The following GRID1 variants were observed in gnomAD, a reference collection of about 807,000 sequenced individuals.
The protein encoded by GRID1 is glutamate ionotropic receptor delta type subunit 1.
GRID1 carries 28 observed loss-of-function variants against 98.0 expected under a neutral mutation model. The ratio of observed to expected loss-of-function variants is 0.29; its 90% confidence interval spans 0.21 to 0.39. The LOEUF (loss-of-function observed/expected upper bound fraction) is 0.39. Among genes scored for constraint, GRID1 ranks in the 10% least tolerant of loss-of-function variants. The probability of loss-of-function intolerance (pLI) is 1.00; values close to 1 mark genes in which losing one functional copy is unlikely to be tolerated. For missense variants in GRID1, 1,111 were observed against 1,340.5 expected (o/e 0.83, Z 2.67); for synonymous variants, 553 against 538.5 (o/e 1.03, Z -0.37).
chr10:85,818,149 G>C (rs1371444815), intron 8 of GRID1, among the ~76,000 whole-genome samples: 1 of 152,190 alleles, frequency 6.6e-6, no homozygotes, highest in Non-Finnish European at 1.5e-5. Context: ...GTAGATAATG[G>C]AAGCCAACTT....
intron 8 of GRID1, among the ~76,000 whole-genome samples, chr10:85,786,106 A>C (rs1325235542): frequency 6.6e-6 from 1 of 152,218 alleles, no homozygotes; most frequent in African/African-American, 2.4e-5. Flanking sequence ...ATGCTGTATA[A>C]AATGAATTTT....
At chr10:86,292,459 G>A (rs1847528396) in intron 2 of GRID1, among the ~76,000 whole-genome samples, 1 of 152,248 alleles carries the variant, frequency 6.6e-6, no homozygotes, top group East Asian at 1.9e-4. Context: ...CAGTTCTCAG[G>A]AAGAGCAGCT....
chr10:85,685,452 A>G (rs1221119814), intron 12 of GRID1, among the ~76,000 whole-genome samples: 1 of 152,188 alleles, frequency 6.6e-6, no homozygotes, highest in East Asian at 1.9e-4. Context: ...TGGGTCAGAA[A>G]ACTCAGTATT....
At chr10:85,663,817 G>A (rs1309472031) in intron 12 of GRID1, among the ~76,000 whole-genome samples, 4 of 152,208 alleles carry the variant, frequency 2.6e-5, no homozygotes, top group African/African-American at 4.8e-5. Context: ...TCTGGTCATA[G>A]ACAACTGTTG....
At chr10:85,640,858 T>A (rs1843108507) in intron 13 of GRID1, among the ~76,000 whole-genome samples, 1 of 152,192 alleles carries the variant, frequency 6.6e-6, no homozygotes, top group Non-Finnish European at 1.5e-5. Flanking sequence ...GCGGGCCCAT[T>A]TTCTTCCTGC....
chr10:86,111,488 A>T (rs1844483317), intron 4 of GRID1, among the ~76,000 whole-genome samples: 1 of 152,206 alleles, frequency 6.6e-6, no homozygotes, highest in Non-Finnish European at 1.5e-5. Context: ...TGGGATCCAG[A>T]GTATTTTCTA....
intron 12 of GRID1, among the ~76,000 whole-genome samples, chr10:85,690,835 T>A (rs1199753079): frequency 6.6e-6 from 1 of 152,046 alleles, no homozygotes; most frequent in Non-Finnish European, 1.5e-5. Flanking sequence ...GATACTCTAA[T>A]AAGCCATTCT....
intron 2 of GRID1, among the ~76,000 whole-genome samples, chr10:86,247,431 G>C (rs1846750177): frequency 6.6e-6 from 1 of 152,178 alleles, no homozygotes; most frequent in Non-Finnish European, 1.5e-5. Context: ...TGAATGAATG[G>C]ATGGTTGGCT....
chr10:85,731,936 A>AGAG (rs34265318), intron 8 of GRID1, among the ~76,000 whole-genome samples: 49 of 148,982 alleles, frequency 3.3e-4, no homozygotes, highest in Middle Eastern at 3.4e-3. Flanking sequence ...AGAGAGAGAG[A>AGAG]AGGGAAGGGA....
chr10:86,258,292 T>C (rs1846957643), intron 2 of GRID1, among the ~76,000 whole-genome samples: 1 of 152,132 alleles, frequency 6.6e-6, no homozygotes, highest in Admixed American at 6.5e-5. Context: ...AAAATTAATA[T>C]CTGTATGATT....
intron 4 of GRID1, among the ~76,000 whole-genome samples, chr10:85,943,301 A>G (rs1187480535): frequency 2.0e-5 from 3 of 152,224 alleles, no homozygotes; most frequent in African/African-American, 7.2e-5. Flanking sequence ...GCTGGAATAA[A>G]TCAAAGATAT....
chr10:86,040,042 T>C (rs1462949470), intron 4 of GRID1, among the ~76,000 whole-genome samples: 3 of 152,172 alleles, frequency 2.0e-5, no homozygotes, highest in South Asian at 2.1e-4. Context: ...TGAGAAGCAC[T>C]GAGTGCCTGC....
chr10:85,624,386 GGC>G (rs1392935543), intron 13 of GRID1, among the ~76,000 whole-genome samples: 1 of 152,144 alleles, frequency 6.6e-6, no homozygotes, highest in Non-Finnish European at 1.5e-5. Flanking sequence ...TGGAAACTTA[GGC>G]TGGAGACAAG....
intron 8 of GRID1, among the ~76,000 whole-genome samples, chr10:85,821,417 T>G (rs1842768940): frequency 7.1e-6 from 1 of 141,562 alleles, no homozygotes; most frequent in South Asian, 2.2e-4. Flanking sequence ...CTCAGGAGGC[T>G]GAGGCAGAAG....
chr10:85,807,327 A>T (rs755771368), intron 8 of GRID1, among the ~76,000 whole-genome samples: 2 of 151,670 alleles, frequency 1.3e-5, no homozygotes, highest in Non-Finnish European at 2.9e-5. Flanking sequence ...TCTGGTCTGG[A>T]TGGCAGGGCA....
At chr10:86,086,722 G>C (rs1426831747) in intron 4 of GRID1, among the ~76,000 whole-genome samples, 2 of 152,206 alleles carry the variant, frequency 1.3e-5, no homozygotes, top group African/African-American at 2.4e-5. Context: ...GTGTGCAAGT[G>C]TCTGTGTGTG....
Position 86,192,654 on chromosome 10 carries a change from C to A in GRID1, c.520+13710G>T, listed in dbSNP as rs923406094. 6.6e-6 allele frequency among the ~76,000 whole-genome samples: 1 copy of A among 151,866 alleles called. No individual in the cohort carries two copies. The highest frequency in any genetic ancestry group is 1.5e-5 in the Non-Finnish European group (1 of 67,924). On this transcript the variant is annotated intron_variant, in intron 3 of 15. Transcript: ENST00000327946. This position sits in a 1 kb window ranked among gnomAD's most constrained non-coding sequence, Gnocchi z 4.8. The stretch of plus-strand genomic sequence containing the variant: ...CTGTACTTAACACCATTGAACTGTG[C>A]GTGAAAATGGTTAACATGGTAAATT...
chr10:85,909,378 G>A lies in GRID1; in HGVS notation c.780+6808C>T, dbSNP rs7910051. Among the ~76,000 whole-genome samples the A allele has an allele frequency of 2.0e-3, 308 of 152,282 alleles. 4 individuals carry two copies. The highest frequency in any genetic ancestry group is 7.1e-3 in the African/African-American group (293 of 41,556). Reference sequence around the variant, plus strand: ...TTAACATAAATCTACCATAGGGGTTGGCAATTCCACTTGTAGGTATGAGCC... The same window carrying A: ...TTAACATAAATCTACCATAGGGGTTAGCAATTCCACTTGTAGGTATGAGCC... On this transcript the variant is annotated intron_variant, in intron 5 of 15. Coordinates refer to ENST00000327946, the MANE Select transcript of GRID1 (RefSeq NM_017551.3).
At chr10:85,880,542 T>A (rs1003779944) in intron 5 of GRID1, among the ~76,000 whole-genome samples, 7 of 152,232 alleles carry the variant, frequency 4.6e-5, no homozygotes, top group Non-Finnish European at 1.0e-4. Context: ...TCTCAATAGA[T>A]GCAGAAAAGG....
Sources: gnomAD v4.1 joint callset for allele counts (sites outside exome capture counted in the v4.1 genomes callset) on GRCh38, gnomAD v4.1.1 for gene constraint, Gnocchi (gnomAD v3.1) non-coding constraint, MANE v1.5 for transcripts, NCBI Gene and HGNC (gene_info 2026-07-23, HGNC 2026-07-21) for gene names.